The following HEATR5A variants were observed in gnomAD, a reference collection of about 807,000 sequenced individuals.
The protein encoded by HEATR5A is HEAT repeat-containing protein 5A.
HEATR5A carries 178 observed loss-of-function variants against 218.8 expected under a neutral mutation model. The ratio of observed to expected loss-of-function variants is 0.81; its 90% confidence interval spans 0.72 to 0.92. The LOEUF is 0.92. Among genes scored for constraint, HEATR5A ranks in the 40% least tolerant of loss-of-function variants. The probability of loss-of-function intolerance (pLI) is 0.00; values close to 1 mark genes in which losing one functional copy is unlikely to be tolerated. For synonymous variants in HEATR5A, 864 were observed against 871.6 expected, an observed-to-expected ratio of 0.99 and a Z score of 0.15; for missense variants, 2,420 against 2,418.9, an observed-to-expected ratio of 1.00 and a Z score of -0.01.
At chr14:31,301,814 T>TC (rs1227091264) in intron 33 of HEATR5A, among the ~76,000 whole-genome samples, 2 of 129,992 alleles carry the variant, frequency 1.5e-5, no homozygotes, top group South Asian at 2.6e-4. Flanking sequence ...CTTTCTTTTT[T>TC]TTTTTTTTTT....
chr14:31,299,658 G>A (rs2139126358), intron 33 of HEATR5A, among the ~76,000 whole-genome samples: 1 of 151,240 alleles, frequency 6.6e-6, no homozygotes, highest in South Asian at 2.1e-4. Context: ...GGGAGGCAGA[G>A]GTTGTGGTGA....
rs1490466758 is a variant in HEATR5A, at chr14:31,310,477, T to C, written c.4442-1295A>G. On this transcript the variant is annotated intron_variant, in intron 28 of 35. Coordinates refer to ENST00000543095, the MANE Select transcript of HEATR5A (RefSeq NM_015473.4). ...TAACATGGAGAAACCCTGTCTCTAC[T>C]AAAAATACAAAAATTAGCTGGGCGT... Among the ~76,000 whole-genome samples the C allele has an allele frequency of 2.0e-5, 3 of 152,056 alleles. No homozygotes were observed. The East Asian group carries it at 5.8e-4, about 29-fold the overall frequency.
intron 16 of HEATR5A, among the ~76,000 whole-genome samples, chr14:31,353,883 T>C (rs1901322478): frequency 1.3e-5 from 2 of 152,052 alleles, no homozygotes; most frequent in Admixed American, 1.3e-4. Flanking sequence ...CACTGCAAGC[T>C]CTGCCTCCCA....
chr14:31,395,359 G>GA lies in HEATR5A; in HGVS notation c.448-12dup, dbSNP rs1010381042. On this transcript the variant is annotated splice_polypyrimidine_tract_variant and intron_variant, in intron 4 of 35. Transcript: ENST00000543095. ...ATATCGGCCTTGAGACTTCCAAAAA[G>GA]AAAAAAAATTAAATAGGAAAAATAA... 4.4e-5 allele frequency: 63 copies of GA among 1,440,872 alleles called. No homozygotes were observed. Among genetic ancestry groups the GA allele is most frequent in the South Asian group, 1.6e-4 (12 of 76,326 alleles). 89.3% of individuals were successfully genotyped at this position (1,440,872 alleles called of 1,614,324 possible). A position where few individuals can be genotyped will look rare whatever the true frequency, so the allele number is the denominator to read the frequency against.
At chr14:31,403,681 T>C (rs907357560) in intron 1 of HEATR5A, among the ~76,000 whole-genome samples, 2 of 152,224 alleles carry the variant, frequency 1.3e-5, no homozygotes, top group Non-Finnish European at 2.9e-5. Flanking sequence ...CCAGGAATTA[T>C]AGCAATCAAG....
At chr14:31,368,517 T>C (rs752432548) in intron 13 of HEATR5A, among the ~76,000 whole-genome samples, 3 of 152,058 alleles carry the variant, frequency 2.0e-5, no homozygotes, top group African/African-American at 4.8e-5. Flanking sequence ...TAAGAAAATA[T>C]AACTTTGCAG....
At chr14:31,305,205 T>C in intron 31 of HEATR5A, 28 bp from the exon 32 acceptor site, 1 of 1,599,676 alleles carries the variant, frequency 6.3e-7, no homozygotes, top group South Asian at 1.1e-5. Context: ...GTTTAATACT[T>C]TGTGCTTGCT....
In HEATR5A at chr14:31,345,252, A is replaced by G. The variant is rs1426521272; in HGVS notation, c.2893T>C (p.Leu965=). 1.2e-6 allele frequency: 2 copies of G among 1,612,176 alleles called. No homozygotes were observed. Among genetic ancestry groups the G allele is most frequent in the Non-Finnish European group, 1.7e-6 (2 of 1,178,898 alleles). The change falls in exon 20 of 36, where the codon TTG becomes CTG. Residue 965 remains leucine, a synonymous_variant. Coordinates refer to ENST00000543095, the MANE Select transcript of HEATR5A (RefSeq NM_015473.4). ...AGTGGGCCAGCAGAATCAATGATCA[A>G]TGATAGAGAATGTAATGCCCAGGTC... is the stretch of plus-strand genomic sequence containing the variant. The part of the protein sequence containing the change: ...VQTWALHSLS[L]IIDSAGPLYY...
At chr14:31,322,833 A>C (rs1324766677) in intron 24 of HEATR5A, among the ~76,000 whole-genome samples, 1 of 151,740 alleles carries the variant, frequency 6.6e-6, no homozygotes, top group Admixed American at 6.6e-5. Flanking sequence ...AAAAAAAAAA[A>C]AAACACAAAT....
chr14:31,301,057 G>C (rs983502203), intron 33 of HEATR5A, among the ~76,000 whole-genome samples: 3 of 152,198 alleles, frequency 2.0e-5, no homozygotes, highest in Non-Finnish European at 4.4e-5. Context: ...TTTGGGCAAA[G>C]TGGGTGGTCA....
chr14:31,370,082 C>G (rs1279126041), intron 13 of HEATR5A, among the ~76,000 whole-genome samples: 3 of 151,602 alleles, frequency 2.0e-5, no homozygotes, highest in Non-Finnish European at 4.4e-5. Context: ...AAAAATTAGC[C>G]AGGCATGGTG....
intron 22 of HEATR5A, among the ~76,000 whole-genome samples, chr14:31,326,642 A>AT (rs138270507): frequency 1.0e-3 from 153 of 151,798 alleles, no homozygotes; most frequent in Middle Eastern, 3.4e-3. Flanking sequence ...TACTTACAAA[A>AT]TTTTTTTTTC....
At position 31,400,287 on chromosome 14, in the gene HEATR5A, A is replaced by T; in HGVS notation, c.338+14T>A. On this transcript the variant is annotated intron_variant, in intron 3 of 35. Coordinates refer to ENST00000543095, the MANE Select transcript of HEATR5A (RefSeq NM_015473.4). The stretch of plus-strand genomic sequence containing the variant: ...AATATTTTGTTTTCTGTTCTGTTTT[A>T]ATGTTTCACTTACAGCTTAGTGGGA... 1 of 1,496,766 alleles carries T rather than the reference A, an allele frequency of 6.7e-7. No homozygotes were observed. The highest frequency in any genetic ancestry group is 9.0e-7 in the Non-Finnish European group (1 of 1,112,480). The allele number at this position is 1,496,766 out of a possible 1,614,324, so 92.7% of individuals were successfully genotyped here.
intron 18 of HEATR5A, among the ~76,000 whole-genome samples, chr14:31,348,737 GA>G (rs1306537486): frequency 4.6e-5 from 7 of 152,044 alleles, no homozygotes; most frequent in Non-Finnish European, 1.0e-4. Flanking sequence ...TATAGATGAG[GA>G]AACCAAAATG....
chr14:31,388,456 C>T (rs2030320897), intron 7 of HEATR5A, among the ~76,000 whole-genome samples: 1 of 152,086 alleles, frequency 6.6e-6, no homozygotes, highest in Non-Finnish European at 1.5e-5. Context: ...AGGGTTAAAG[C>T]CACATAAAAT....
At position 31,318,247 on chromosome 14, in the gene HEATR5A, C is replaced by T. The variant is rs753807423; in HGVS notation, c.4015G>A (p.Asp1339Asn). The T allele has an allele frequency of 2.5e-6, 4 of 1,613,770 alleles. No homozygotes were observed. Among genetic ancestry groups the T allele is most frequent in the African/African-American group, 1.3e-5 (1 of 74,948 alleles). Reference protein sequence around the residue: ...RPAFTSETPPDVTAKACQVCS... With the variant: ...RPAFTSETPPNVTAKACQVCS... ...ACCTGACATGCTTTGGCAGTGACAT[C>T]AGGTGGTGTCTCTGAAGTGAAGGCT... The change falls in exon 26 of 36, where the codon GAT becomes AAT. Residue 1339 changes from aspartate to asparagine, a missense_variant. Coordinates refer to ENST00000543095, the MANE Select transcript of HEATR5A (RefSeq NM_015473.4).
intron 5 of HEATR5A, 54 bp from the exon 6 acceptor site, chr14:31,394,280 T>G: frequency 8.6e-7 from 1 of 1,168,280 alleles, no homozygotes; most frequent in Non-Finnish European, 1.1e-6. Context: ...AATGTCAGGT[T>G]CAGAGCTATG....
In HEATR5A at chr14:31,349,797, G is replaced by T. The variant is rs534417342; in HGVS notation, c.2700C>A (p.Ser900Arg). The T allele has an allele frequency of 6.2e-7, 1 of 1,609,188 alleles. No homozygotes were observed. Among genetic ancestry groups the T allele is most frequent in the Non-Finnish European group, 8.5e-7 (1 of 1,176,108 alleles). ...ATAAGAAATTCACTTACTTGTCAAA[G>T]CTAACTTGAGCTAATCCAGCAGTAA... ...GAFTAGLAQV[S>R]FDKLKSARDV... The change falls in exon 18 of 36, where the codon AGC (serine) becomes AGA (arginine). Residue 900 changes from serine (S) to arginine (R), a missense_variant. Coordinates refer to ENST00000543095, the MANE Select transcript of HEATR5A (RefSeq NM_015473.4).
At chr14:31,339,024 G>A (rs564940600) in intron 21 of HEATR5A, among the ~76,000 whole-genome samples, 22 of 152,012 alleles carry the variant, frequency 1.4e-4, no homozygotes, top group Middle Eastern at 3.4e-3. Context: ...GGAGGCTGAG[G>A]CAGGAGAATT....
Sources: allele counts gnomAD v4.1 joint callset (sites outside exome capture counted in the v4.1 genomes callset), GRCh38; gene constraint gnomAD v4.1.1; transcripts MANE v1.5; gene names NCBI Gene and HGNC (gene_info 2026-07-23, HGNC 2026-07-21).